CAST: variants seen among roughly 807,000 people sequenced by gnomAD.
The protein encoded by CAST is calpastatin, also known as MIR583 host.
Under a neutral mutation model 119.6 loss-of-function variants are expected in CAST, and 76 were observed. That is an observed-to-expected ratio of 0.64 (90% CI 0.53 to 0.77). CAST has a LOEUF of 0.77. CAST is among the 30% of genes least tolerant of loss of function. CAST has a pLI of 0.00. For synonymous variants in CAST, 319 were observed against 331.6 expected, an observed-to-expected ratio of 0.96 and a Z score of 0.41; for missense variants, 953 against 946.5, an observed-to-expected ratio of 1.01 and a Z score of -0.09.
the CAST span, among the ~76,000 whole-genome samples, chr5:96,116,529 C>G: frequency 1.3e-5 from 2 of 152,128 alleles, no homozygotes; most frequent in South Asian, 4.1e-4. Context: ...GTTGTACTCC[C>G]CAGCAATATA....
chr5:96,596,635 C>T (rs1197668090), intron 1 of CAST, among the ~76,000 whole-genome samples: 2 of 152,140 alleles, frequency 1.3e-5, no homozygotes, highest in African/African-American at 2.4e-5. Context: ...TGTAGCCAAG[C>T]ATATGAGGGA....
chr5:96,635,400 C>T (rs377327848), intron 1 of CAST, among the ~76,000 whole-genome samples: 1 of 152,120 alleles, frequency 6.6e-6, no homozygotes, highest in East Asian at 1.9e-4. Flanking sequence ...ATACTCCTCT[C>T]CTAATTGATT....
At chr5:96,349,949 C>T in the CAST span, among the ~76,000 whole-genome samples, 1 of 152,066 alleles carries the variant, frequency 6.6e-6, no homozygotes, top group Non-Finnish European at 1.5e-5. Context: ...GGAATAGAAA[C>T]GTGGTGATGA....
At chr5:96,247,457 T>C in the CAST span, among the ~76,000 whole-genome samples, 5 of 152,360 alleles carry the variant, frequency 3.3e-5, no homozygotes, top group Non-Finnish European at 7.4e-5. Context: ...AACTCCAGAG[T>C]TCATGTGCGT....
At chr5:96,333,866 A>AT in the CAST span, among the ~76,000 whole-genome samples, 1 of 152,270 alleles carries the variant, frequency 6.6e-6, no homozygotes, top group East Asian at 1.9e-4. Context: ...ATTTATTCTG[A>AT]TTTTAAAAAT....
the CAST span, among the ~76,000 whole-genome samples, chr5:96,401,144 C>T: frequency 7.1e-6 from 1 of 141,610 alleles, no homozygotes; most frequent in Non-Finnish European, 1.5e-5. Flanking sequence ...AGAATTAAGG[C>T]TTTTATAATT....
chr5:96,451,459 G>C, the CAST span, among the ~76,000 whole-genome samples: 1 of 152,126 alleles, frequency 6.6e-6, no homozygotes, highest in Non-Finnish European at 1.5e-5. Flanking sequence ...ACTGAAACTG[G>C]ACCCCTTCCT....
chr5:96,243,685 G>A, the CAST span, among the ~76,000 whole-genome samples: 2 of 152,148 alleles, frequency 1.3e-5, no homozygotes, highest in Non-Finnish European at 2.9e-5. Flanking sequence ...ATAGAGATAT[G>A]CATCCCTCAG....
At chr5:96,700,161 T>C (rs1021452969) in intron 3 of CAST, among the ~76,000 whole-genome samples, 3 of 152,170 alleles carry the variant, frequency 2.0e-5, no homozygotes, top group African/African-American at 7.2e-5. Context: ...CAGCCCACAG[T>C]ACCCTCCTAC....
the CAST span, among the ~76,000 whole-genome samples, chr5:96,021,103 A>G: frequency 6.6e-6 from 1 of 152,126 alleles, no homozygotes; most frequent in South Asian, 2.1e-4. Flanking sequence ...GTTTCTTTAT[A>G]TGAAGTATTA....
At chr5:96,364,848 T>A in the CAST span, among the ~76,000 whole-genome samples, 1 of 152,252 alleles carries the variant, frequency 6.6e-6, no homozygotes, top group East Asian at 1.9e-4. Flanking sequence ...ATCTTAGTTA[T>A]TTCTTGCCTT....
At chr5:96,405,844 C>T in the CAST span, among the ~76,000 whole-genome samples, 3 of 152,162 alleles carry the variant, frequency 2.0e-5, no homozygotes, top group East Asian at 1.9e-4. Flanking sequence ...ATATTGGTCA[C>T]TATACAAGGA....
the CAST span, among the ~76,000 whole-genome samples, chr5:96,311,542 A>T: frequency 6.6e-6 from 1 of 152,006 alleles, no homozygotes; most frequent in Non-Finnish European, 1.5e-5. Context: ...CTCTCTAAAT[A>T]GTCTTAATAT....
chr5:96,619,656 G>C (rs1389319328), intron 1 of CAST, among the ~76,000 whole-genome samples: 10 of 152,188 alleles, frequency 6.6e-5, no homozygotes, highest in Non-Finnish European at 1.5e-4. Context: ...CCTGAAGCCA[G>C]CGAGACCACT....
At chr5:96,467,749 G>A in the CAST span, among the ~76,000 whole-genome samples, 1 of 152,062 alleles carries the variant, frequency 6.6e-6, no homozygotes, top group African/African-American at 2.4e-5. Context: ...TGGCGTGGAT[G>A]TGGTAACAAG....
the CAST span, among the ~76,000 whole-genome samples, chr5:96,424,967 A>G: frequency 6.7e-6 from 1 of 149,680 alleles, no homozygotes; most frequent in Non-Finnish European, 1.5e-5. Context: ...CTGTCAAAAA[A>G]AAAAAGAAAG....
chr5:96,034,550 A>G, the CAST span, among the ~76,000 whole-genome samples: 1 of 150,836 alleles, frequency 6.6e-6, no homozygotes, highest in Non-Finnish European at 1.5e-5. Flanking sequence ...CATTATATAT[A>G]TATATAATGG....
chr5:96,423,847 C>G, the CAST span, among the ~76,000 whole-genome samples: 2 of 152,172 alleles, frequency 1.3e-5, no homozygotes, highest in Non-Finnish European at 2.9e-5. Flanking sequence ...TCTCCATTGC[C>G]ACATTGAGCT....
chr5:96,139,521 T>C, the CAST span, among the ~76,000 whole-genome samples: 1 of 132,028 alleles, frequency 7.6e-6, no homozygotes, highest in African/African-American at 3.0e-5. Flanking sequence ...TATATATGTG[T>C]ATATATATAC....
Sources: gnomAD v4.1 joint callset for allele counts (sites outside exome capture counted in the v4.1 genomes callset) on GRCh38, gnomAD v4.1.1 for gene constraint, MANE v1.5 for transcripts, NCBI Gene and HGNC (gene_info 2026-07-23, HGNC 2026-07-21) for gene names.